The following PDILT variants were observed in gnomAD, a reference collection of about 807,000 sequenced individuals.
The protein encoded by PDILT is protein disulfide-isomerase-like protein of the testis.
In PDILT, 43 loss-of-function variants were observed where a neutral mutation model predicts 53.7. The ratio of observed to expected loss-of-function variants is 0.80; its 90% CI spans 0.63 to 1.03. The LOEUF is 1.03. Among genes scored for constraint, PDILT ranks in the 50% least tolerant of loss-of-function variants. The pLI is 0.00. For missense variants in PDILT, 727 were observed against 712.3 expected, an observed-to-expected ratio of 1.02 and a Z score of -0.24; for synonymous variants, 282 against 274.2, an observed-to-expected ratio of 1.03 and a Z score of -0.28.
chr16:20,370,135 G>A (rs999567799), intron 7 of PDILT, among the ~76,000 whole-genome samples: 3 of 152,096 alleles, frequency 2.0e-5, no homozygotes, highest in African/African-American at 4.8e-5. Context: ...ATTCTATCAA[G>A]GAAATTCATG....
chr16:20,385,075 A>G (rs1966517124), intron 2 of PDILT, among the ~76,000 whole-genome samples: 1 of 152,240 alleles, frequency 6.6e-6, no homozygotes, highest in Admixed American at 6.5e-5. Context: ...CATTGGAAAC[A>G]ACACAACCAT....
chr16:20,360,387 C>T lies in PDILT; in HGVS notation c.1506+181G>A, dbSNP rs117597720. Among the ~76,000 whole-genome samples the T allele has an allele frequency of 4.9e-4, 74 of 152,256 alleles. No individual in the cohort carries two copies. In the East Asian group the frequency reaches 0.014, roughly 30 times the overall value. On this transcript the variant is annotated intron_variant, in intron 11 of 11. Coordinates refer to ENST00000302451, the MANE Select transcript of PDILT (RefSeq NM_174924.2). ...TCTAAAGTTTGCCATTTCTGCTTCCCATAGTAAGTGCCTTTGAAATAAAGG... is the reference window on the plus strand; with the variant it reads ...TCTAAAGTTTGCCATTTCTGCTTCCTATAGTAAGTGCCTTTGAAATAAAGG...
intron 2 of PDILT, among the ~76,000 whole-genome samples, chr16:20,387,954 G>C (rs1369011673): frequency 6.6e-6 from 1 of 152,184 alleles, no homozygotes; most frequent in Non-Finnish European, 1.5e-5. Flanking sequence ...ACCAGTCGGA[G>C]GCTACTACAG....
In PDILT at chr16:20,396,718, A is replaced by G. The variant is rs139143012; in HGVS notation, c.202+2381T>C. 7.6e-4 allele frequency among the ~76,000 whole-genome samples: 116 copies of G among 152,296 alleles called. No homozygotes were observed. The East Asian group carries it at 0.013, about 17-fold the overall frequency. ...AAAGTATACAGTTTAGACTATTTTAATTGCATGACTTTATCACACTTTGTT... is the reference window on the plus strand; with the variant it reads ...AAAGTATACAGTTTAGACTATTTTAGTTGCATGACTTTATCACACTTTGTT... On this transcript the variant is annotated intron_variant, in intron 2 of 11. Coordinates refer to ENST00000302451, the MANE Select transcript of PDILT (RefSeq NM_174924.2).
chr16:20,359,881 T>TCCTATGAG (rs1386165086), intron 11 of PDILT, among the ~76,000 whole-genome samples: 1 of 152,196 alleles, frequency 6.6e-6, no homozygotes, highest in African/African-American at 2.4e-5. Flanking sequence ...CAGTCTTAGC[T>TCCTATGAG]AATGAGATCT....
At chr16:20,366,242 C>CT (rs1364526125) in intron 8 of PDILT, among the ~76,000 whole-genome samples, 2 of 152,140 alleles carry the variant, frequency 1.3e-5, no homozygotes, top group African/African-American at 4.8e-5. Context: ...CCATGTTGGT[C>CT]TTCAGCTTAA....
intron 7 of PDILT, among the ~76,000 whole-genome samples, chr16:20,371,122 C>T (rs74408754): frequency 1.5e-4 from 23 of 152,186 alleles, no homozygotes; most frequent in East Asian, 7.7e-4. Flanking sequence ...GGTCTGGAAC[C>T]GGACCCCTTT....
chr16:20,372,403 G>C (rs1966319815), intron 7 of PDILT, among the ~76,000 whole-genome samples: 2 of 152,106 alleles, frequency 1.3e-5, no homozygotes, highest in African/African-American at 4.8e-5. Context: ...CCACCTTCAG[G>C]CTTTCATAGT....
At chr16:20,397,404 A>C (rs1966675026) in intron 2 of PDILT, among the ~76,000 whole-genome samples, 1 of 152,150 alleles carries the variant, frequency 6.6e-6, no homozygotes. Flanking sequence ...CGGCCTCCCA[A>C]AGTGCCAGGG....
Position 20,360,646 on chromosome 16 carries a change from A to G in PDILT, c.1428T>C (p.Tyr476=), listed in dbSNP as rs1966086921. 2 of 1,612,948 alleles carry G rather than the reference A, an allele frequency of 1.2e-6. No homozygotes were observed. Among genetic ancestry groups the G allele is most frequent in the African/African-American group, 2.7e-5 (2 of 74,880 alleles). ...FPSGSQQAVL[Y]KGEHTLKGFS... is the part of the protein sequence containing the mutation. ...AGCCCTTCAGGGTGTGTTCTCCCTT[A>G]TACAGGACAGCCTAGGATGAAAATG... Residue 476 remains tyrosine (Y), a synonymous_variant, in exon 11 of 12, where the codon TAT becomes TAC. Transcript: ENST00000302451.
intron 8 of PDILT, among the ~76,000 whole-genome samples, chr16:20,367,215 G>A (rs1966225985): frequency 6.6e-6 from 1 of 151,842 alleles, no homozygotes; most frequent in African/African-American, 2.4e-5. Context: ...CGATTCTCCT[G>A]CCTCAGCCTC....
chr16:20,362,710 T>C, intron 9 of PDILT, 128 bp from the exon 10 acceptor site: 1 of 695,516 alleles, frequency 1.4e-6, no homozygotes, highest in Non-Finnish European at 2.4e-6. Context: ...TCCCTCCTTC[T>C]TTTAATCATA....
chr16:20,400,032 ATC>A (rs1966711783), intron 1 of PDILT, among the ~76,000 whole-genome samples: 6 of 119,286 alleles, frequency 5.0e-5, no homozygotes, highest in African/African-American at 1.5e-4. Flanking sequence ...CTATCTATCT[ATC>A]TATCTATCTA....
intron 5 of PDILT, among the ~76,000 whole-genome samples, chr16:20,373,472 C>T (rs1012252714): frequency 6.6e-6 from 1 of 152,182 alleles, no homozygotes; most frequent in African/African-American, 2.4e-5. Context: ...TAATGATTGA[C>T]GGCTCATTCA....
intron 1 of PDILT, among the ~76,000 whole-genome samples, chr16:20,400,074 T>TA (rs1966717282): frequency 6.9e-6 from 1 of 145,050 alleles, no homozygotes; most frequent in African/African-American, 2.6e-5. Flanking sequence ...ATATATATAT[T>TA]TTTTGAGACG....
In PDILT at chr16:20,365,509, T is replaced by C; in HGVS notation, c.1148A>G (p.Tyr383Cys). The stretch of plus-strand genomic sequence containing the variant: ...CTGCTTAACCAGTCCCTGGTCCCAG[T>C]ATTTTGGAATCTCTTCACTGGATTG... ...KHQSSEEIPK[Y>C]WDQGLVKQLV... Residue 383 changes from tyrosine (Y) to cysteine (C), a missense_variant, in exon 9 of 12, where the codon TAC becomes TGC. Tyr to Cys is a radical substitution (Grantham distance 194). Transcript: ENST00000302451. 1 of 1,614,082 alleles carries C rather than the reference T, an allele frequency of 6.2e-7. No individual in the cohort carries two copies. Among genetic ancestry groups the C allele is most frequent in the Non-Finnish European group, 8.5e-7 (1 of 1,179,922 alleles).
intron 2 of PDILT, among the ~76,000 whole-genome samples, chr16:20,395,498 A>G (rs1009094115): frequency 3.9e-5 from 6 of 152,208 alleles, no homozygotes; most frequent in Non-Finnish European, 8.8e-5. Flanking sequence ...GTCAGAAAAT[A>G]GAAGAAGCCT....
rs1966507335 is a variant in PDILT at position 20,384,676 on chromosome 16, C to G, written c.378G>C (p.Glu126Asp). The change falls in exon 3 of 12, where the codon GAG (glutamate) becomes GAC (aspartate). Residue 126 changes from glutamate to aspartate, a missense_variant. Transcript: ENST00000302451. ...AGCTGATGGGCTCTGACCTGTTGCCCTCAAAAAACAGCTTCAACTCCGGGG... is the reference window on the plus strand; with the variant it reads ...AGCTGATGGGCTCTGACCTGTTGCCGTCAAAAAACAGCTTCAACTCCGGGG... Reference protein sequence around the residue: ...TKAPELKLFFEGNRSEPISCK... With the variant: ...TKAPELKLFFDGNRSEPISCK... The G allele has an allele frequency of 6.2e-7, 1 of 1,614,208 alleles. No homozygotes were observed. Among genetic ancestry groups the G allele is most frequent in the Non-Finnish European group, 8.5e-7 (1 of 1,180,038 alleles).
chr16:20,373,178 T>A, intron 5 of PDILT, 56 bp from the exon 6 acceptor site: 2 of 1,362,514 alleles, frequency 1.5e-6, no homozygotes, highest in Non-Finnish European at 2.1e-6. Context: ...TATAGCCACT[T>A]AATAAATATA....
Sources: allele counts gnomAD v4.1 joint callset (sites outside exome capture counted in the v4.1 genomes callset), GRCh38; gene constraint gnomAD v4.1.1; transcripts MANE v1.5; gene names NCBI Gene and HGNC (gene_info 2026-07-23, HGNC 2026-07-21).